The following NEDD4L variants were observed in gnomAD, a reference collection of about 807,000 sequenced individuals.
NEDD4L encodes the protein E3 ubiquitin-protein ligase NEDD4-like.
Under a neutral mutation model 148.9 loss-of-function variants are expected in NEDD4L, and 54 were observed. That is an observed-to-expected ratio of 0.36 (90% CI 0.29 to 0.45). The LOEUF is 0.45. NEDD4L is among the 20% of genes least tolerant of loss of function. The pLI, the probability that NEDD4L is intolerant of heterozygous loss-of-function variation, is 1.00. For synonymous variants in NEDD4L, 433 were observed against 440.7 expected (o/e 0.98, Z 0.22); for missense variants, 856 against 1,233.8 (o/e 0.69, Z 4.59).
intron 11 of NEDD4L, among the ~76,000 whole-genome samples, chr18:58,331,672 C>G (rs1319878831): frequency 6.6e-6 from 1 of 152,110 alleles, no homozygotes; most frequent in Non-Finnish European, 1.5e-5. Flanking sequence ...AATGAAGTCT[C>G]AGTGTTTCTC....
At chr18:58,069,495 A>G (rs1294997915) in intron 1 of NEDD4L, among the ~76,000 whole-genome samples, 1 of 152,228 alleles carries the variant, frequency 6.6e-6, no homozygotes, top group African/African-American at 2.4e-5. Context: ...TTCCCCTGGA[A>G]GAAAGTTTGG....
At chr18:58,330,946 G>C in intron 11 of NEDD4L, 32 bp downstream of exon 11, 1 of 1,604,636 alleles carries the variant, frequency 6.2e-7, no homozygotes, top group Non-Finnish European at 8.5e-7. Flanking sequence ...AAGAAAAGCT[G>C]AGCAATGTTT....
At chr18:58,148,995 A>AT (rs1284329177) in intron 1 of NEDD4L, among the ~76,000 whole-genome samples, 7 of 152,174 alleles carry the variant, frequency 4.6e-5, no homozygotes, top group Admixed American at 4.6e-4. Flanking sequence ...GGAGCCTAAT[A>AT]TTTTTGTCTT....
Position 58,183,999 on chromosome 18 carries a change from C to G in NEDD4L, c.122+18138C>G, listed in dbSNP as rs1425275568. On this transcript the variant is annotated intron_variant, in intron 2 of 30. Coordinates refer to ENST00000400345, the MANE Select transcript of NEDD4L (RefSeq NM_001144967.3). ...CCTGGCTAACATGGTGAAACCCCGT[C>G]TCTACTAAAAATAGAGAAAATTAGC... is the stretch of plus-strand genomic sequence containing the variant. 1.4e-4 allele frequency among the ~76,000 whole-genome samples: 21 copies of G among 152,268 alleles called. No individual in the cohort carries two copies. The East Asian group carries it at 4.1e-3, about 29-fold the overall frequency.
intron 1 of NEDD4L, among the ~76,000 whole-genome samples, chr18:58,144,115 T>TA (rs5825266): frequency 0.41 from 57,872 of 142,676 alleles, 11,375 homozygotes; most frequent in African/African-American, 0.43. Flanking sequence ...AGAGCAGCAT[T>TA]AAAAAAAAAA....
chr18:58,049,039 C>CAAG (rs2081732047), intron 1 of NEDD4L, among the ~76,000 whole-genome samples: 1 of 152,132 alleles, frequency 6.6e-6, no homozygotes, highest in African/African-American at 2.4e-5. Context: ...GACATACTGT[C>CAAG]CATCTTATGA....
intron 1 of NEDD4L, among the ~76,000 whole-genome samples, chr18:58,160,050 A>G (rs1391330803): frequency 1.3e-5 from 2 of 152,230 alleles, no homozygotes; most frequent in African/African-American, 4.8e-5. Flanking sequence ...AAGGATAACA[A>G]GTTACCTCCT....
chr18:58,100,501 A>T (rs994291276), intron 1 of NEDD4L, among the ~76,000 whole-genome samples: 1 of 152,154 alleles, frequency 6.6e-6, no homozygotes, highest in Admixed American at 6.5e-5. Flanking sequence ...ACCTTATCCT[A>T]AACTCAAGTT....
intron 8 of NEDD4L, among the ~76,000 whole-genome samples, chr18:58,324,589 A>G (rs756819790): frequency 1.2e-4 from 19 of 152,200 alleles, no homozygotes; most frequent in Non-Finnish European, 2.6e-4. Flanking sequence ...GAGGTGTTGA[A>G]AAGATGGCAG....
intron 2 of NEDD4L, among the ~76,000 whole-genome samples, chr18:58,239,337 T>G (rs978418438): frequency 1.3e-5 from 2 of 152,312 alleles, no homozygotes; most frequent in Admixed American, 6.5e-5. Flanking sequence ...GGAGGCACAC[T>G]TGAAAAATGA....
chr18:58,346,586 A>C (rs2043099620), intron 16 of NEDD4L, among the ~76,000 whole-genome samples: 1 of 152,214 alleles, frequency 6.6e-6, no homozygotes, highest in South Asian at 2.1e-4. Context: ...CAGGATGGAA[A>C]AGATAAAGAA....
intron 1 of NEDD4L, among the ~76,000 whole-genome samples, chr18:58,066,801 G>A (rs1343489125): frequency 6.6e-6 from 1 of 152,124 alleles, no homozygotes; most frequent in East Asian, 1.9e-4. Flanking sequence ...GAAGAATCAG[G>A]AGGAAGAGGG....
Position 58,359,052 on chromosome 18 carries a change from T to A in NEDD4L, c.1767+1800T>A, listed in dbSNP as rs149357814. ...TCTTTGGTTGAATATAGAGTTCTTTTTGTGTCCATTAGGTCAAGCCTGTGG... is the reference window on the plus strand; with the variant it reads ...TCTTTGGTTGAATATAGAGTTCTTTATGTGTCCATTAGGTCAAGCCTGTGG... On this transcript the variant is annotated intron_variant, in intron 19 of 30. Coordinates refer to ENST00000400345, the MANE Select transcript of NEDD4L (RefSeq NM_001144967.3). Among the ~76,000 whole-genome samples, 797 of 152,312 alleles carry A rather than the reference T, an allele frequency of 5.2e-3. 10 individuals carry two copies. The highest frequency in any genetic ancestry group is 0.018 in the African/African-American group (759 of 41,568).
At chr18:58,103,157 A>T (rs1399907856) in intron 1 of NEDD4L, among the ~76,000 whole-genome samples, 1 of 151,262 alleles carries the variant, frequency 6.6e-6, no homozygotes, top group Non-Finnish European at 1.5e-5. Flanking sequence ...AATGCCACTA[A>T]CTTGTTGCAG....
chr18:58,192,679 G>C (rs1347968599), intron 2 of NEDD4L, among the ~76,000 whole-genome samples: 3 of 146,310 alleles, frequency 2.1e-5, no homozygotes, highest in Non-Finnish European at 4.5e-5. Context: ...CGCTGGTGGT[G>C]ATGCAGCCCA....
At chr18:58,361,155 A>G (rs1267092217) in intron 19 of NEDD4L, among the ~76,000 whole-genome samples, 8 of 152,056 alleles carry the variant, frequency 5.3e-5, no homozygotes, top group Admixed American at 5.2e-4. Flanking sequence ...CCAAGCCCCT[A>G]TGTCTAGGTC....
Position 58,162,300 on chromosome 18 carries a change from C to T in NEDD4L, c.49-3488C>T, listed in dbSNP as rs76607202. On this transcript the variant is annotated intron_variant, in intron 1 of 30. Coordinates refer to ENST00000400345, the MANE Select transcript of NEDD4L (RefSeq NM_001144967.3). ...AAGCTGGCCTCTGTGGTCCTTGACC[C>T]CATCAGGTCCCACGGTGCCCTGCAT... Among the ~76,000 whole-genome samples, 962 of 152,168 alleles carry T rather than the reference C, an allele frequency of 6.3e-3. 13 individuals carry two copies. Among genetic ancestry groups the T allele is most frequent in the African/African-American group, 0.022 (910 of 41,504 alleles).
At chr18:58,365,145 C>G (rs1466315044) in intron 20 of NEDD4L, among the ~76,000 whole-genome samples, 1 of 152,226 alleles carries the variant, frequency 6.6e-6, no homozygotes, top group African/African-American at 2.4e-5. Flanking sequence ...ACAATGTCTG[C>G]TCTCATTTAG....
intron 5 of NEDD4L, among the ~76,000 whole-genome samples, chr18:58,314,987 G>A (rs1029529109): frequency 3.3e-5 from 5 of 152,216 alleles, no homozygotes; most frequent in Admixed American, 2.0e-4. Context: ...TAAACTAGCA[G>A]AGTAGAAATA....
Sources: gnomAD v4.1 joint callset for allele counts (sites outside exome capture counted in the v4.1 genomes callset) on GRCh38, gnomAD v4.1.1 for gene constraint, MANE v1.5 for transcripts, NCBI Gene and HGNC (gene_info 2026-07-23, HGNC 2026-07-21) for gene names.